The following EPB41L4A variants were observed in gnomAD, a reference collection of about 807,000 sequenced individuals.
EPB41L4A encodes the protein band 4.1-like protein 4A.
Under a neutral mutation model 108.6 loss-of-function variants are expected in EPB41L4A, and 100 were observed. The ratio of observed to expected loss-of-function variants is 0.92; its 90% CI spans 0.78 to 1.09. The LOEUF (loss-of-function observed/expected upper bound fraction) is 1.09. EPB41L4A is among the 50% of genes least tolerant of loss of function. The probability of loss-of-function intolerance (pLI) is 0.00; values close to 1 mark genes in which losing one functional copy is unlikely to be tolerated. For missense variants in EPB41L4A, 1,030 were observed against 842.7 expected, an observed-to-expected ratio of 1.22 and a Z score of -2.75; for synonymous variants, 319 against 289.0, an observed-to-expected ratio of 1.10 and a Z score of -1.05.
At chr5:112,313,683 T>C (rs895367920) in intron 1 of EPB41L4A, among the ~76,000 whole-genome samples, 4 of 151,870 alleles carry the variant, frequency 2.6e-5, no homozygotes, top group African/African-American at 9.7e-5. Flanking sequence ...CAGGCAGAAA[T>C]TAGTCATTAC....
chr5:112,410,839 T>C (rs1160147825), intron 1 of EPB41L4A, among the ~76,000 whole-genome samples: 2 of 152,204 alleles, frequency 1.3e-5, no homozygotes, highest in African/African-American at 2.4e-5. Flanking sequence ...TCTCTATTAC[T>C]ATCCTACATA....
At chr5:112,345,038 T>C (rs1324654979) in intron 1 of EPB41L4A, among the ~76,000 whole-genome samples, 1 of 152,238 alleles carries the variant, frequency 6.6e-6, no homozygotes, top group Non-Finnish European at 1.5e-5. Context: ...TGCCAAAATT[T>C]ACAATTCCTG....
At chr5:112,215,145 T>C (rs952549421) in intron 12 of EPB41L4A, among the ~76,000 whole-genome samples, 1 of 152,210 alleles carries the variant, frequency 6.6e-6, no homozygotes, top group African/African-American at 2.4e-5. Flanking sequence ...ATGATCTTTA[T>C]TTAATAAGTG....
intron 1 of EPB41L4A, among the ~76,000 whole-genome samples, chr5:112,413,387 T>C (rs1561656753): frequency 6.6e-6 from 1 of 152,216 alleles, no homozygotes; most frequent in Non-Finnish European, 1.5e-5. Flanking sequence ...GGGTCTTTTC[T>C]AGTAAAAATA....
chr5:112,147,110 G>A (rs1274187156), intron 12 of EPB41L4A, among the ~76,000 whole-genome samples: 3 of 152,080 alleles, frequency 2.0e-5, no homozygotes, highest in Non-Finnish European at 2.9e-5. Flanking sequence ...TGCTTGGCTT[G>A]TACTGCCACC....
At chr5:112,282,375 G>A (rs1318471984) in intron 2 of EPB41L4A, among the ~76,000 whole-genome samples, 1 of 152,196 alleles carries the variant, frequency 6.6e-6, no homozygotes, top group Non-Finnish European at 1.5e-5. Context: ...ATTTTCCAAT[G>A]AAGAGAAAAC....
chr5:112,258,962 C>T (rs1226662275), intron 9 of EPB41L4A, among the ~76,000 whole-genome samples: 1 of 152,172 alleles, frequency 6.6e-6, no homozygotes, highest in Non-Finnish European at 1.5e-5. Flanking sequence ...ATTGCACTAA[C>T]AACAATGATC....
intron 1 of EPB41L4A, among the ~76,000 whole-genome samples, chr5:112,414,699 A>C (rs1762605500): frequency 6.6e-6 from 1 of 152,190 alleles, no homozygotes; most frequent in South Asian, 2.1e-4. Context: ...TCCCCCTTAA[A>C]CAGTTATTAA....
intron 15 of EPB41L4A, among the ~76,000 whole-genome samples, chr5:112,198,870 A>G (rs1561468440): frequency 6.6e-6 from 1 of 151,990 alleles, no homozygotes; most frequent in Non-Finnish European, 1.5e-5. Flanking sequence ...TTTTTTAGAA[A>G]TTTTTATTTC....
At chr5:112,386,962 G>A (rs1760585543) in intron 1 of EPB41L4A, among the ~76,000 whole-genome samples, 1 of 152,150 alleles carries the variant, frequency 6.6e-6, no homozygotes, top group South Asian at 2.1e-4. Context: ...CCTATCTGTG[G>A]GTCCCTGCTT....
intron 1 of EPB41L4A, among the ~76,000 whole-genome samples, chr5:112,414,067 C>T (rs1268921632): frequency 6.6e-6 from 1 of 152,166 alleles, no homozygotes; most frequent in East Asian, 1.9e-4. Flanking sequence ...AACTCAGAAA[C>T]GACTCGGCTA....
At position 112,165,608 on chromosome 5, in the gene EPB41L4A, C is replaced by T. The variant is rs372403383; in HGVS notation, c.1933-490G>A. Among the ~76,000 whole-genome samples, 49 of 152,302 alleles carry T rather than the reference C, an allele frequency of 3.2e-4. No homozygotes were observed. The South Asian group carries it at 9.7e-3, about 30-fold the overall frequency. ...GCACCACATCCACTAGTTTGTAAAA[C>T]TTAGGTTTTACACATCTCCCATCAT... On this transcript the variant is annotated intron_variant, in intron 22 of 22. Coordinates refer to ENST00000261486, the MANE Select transcript of EPB41L4A (RefSeq NM_022140.5).
intron 2 of EPB41L4A, among the ~76,000 whole-genome samples, chr5:112,292,074 C>A (rs1753678365): frequency 6.6e-6 from 1 of 152,192 alleles, no homozygotes; most frequent in Non-Finnish European, 1.5e-5. Flanking sequence ...ATTTTCAAAG[C>A]ATTCAGTACC....
Position 112,204,421 on chromosome 5 carries a change from G to T in EPB41L4A, c.1330C>A (p.Pro444Thr). The change falls in exon 15 of 23, where the codon CCC becomes ACC. Residue 444 changes from proline to threonine, a missense_variant. Coordinates refer to ENST00000261486, the MANE Select transcript of EPB41L4A (RefSeq NM_022140.5). Reference protein sequence around the residue: ...PKFPYTRRRNPSCGSDNDSVQ... With the variant: ...PKFPYTRRRNTSCGSDNDSVQ... Reference sequence around the variant, plus strand: ...GAATCATTGTCACTTCCACAGGAGGGGTTTCGGCGACGCGTGTAAGGGAAC... The same window carrying T: ...GAATCATTGTCACTTCCACAGGAGGTGTTTCGGCGACGCGTGTAAGGGAAC... 6.2e-7 allele frequency: 1 copy of T among 1,613,968 alleles called. No homozygotes were observed. The highest frequency in any genetic ancestry group is 1.1e-5 in the South Asian group (1 of 91,068).
chr5:112,141,931 C>A (rs957137756), downstream of EPB41L4A, among the ~76,000 whole-genome samples: 9 of 152,184 alleles, frequency 5.9e-5, no homozygotes, highest in Non-Finnish European at 1.3e-4. Flanking sequence ...CCTCCCCCAA[C>A]AACACCGTGA....
At chr5:112,262,675 AAAT>A in intron 6 of EPB41L4A, 94 bp from the exon 7 acceptor site, 1 of 1,063,100 alleles carries the variant, frequency 9.4e-7, no homozygotes, top group Non-Finnish European at 1.4e-6. Context: ...ATGGGAAAAC[AAAT>A]AATACTTTTT....
At chr5:112,246,218 C>T (rs562863243) in intron 9 of EPB41L4A, among the ~76,000 whole-genome samples, 3 of 152,058 alleles carry the variant, frequency 2.0e-5, no homozygotes, top group Middle Eastern at 3.4e-3. Context: ...TCCAGTCATG[C>T]GTTGTATAAG....
chr5:112,158,368 C>T (rs1358778288), downstream of EPB41L4A: 2 of 333,644 alleles, frequency 6.0e-6, no homozygotes, highest in Non-Finnish European at 1.2e-5. Context: ...ATTCTTTAAA[C>T]TAACCCATAT....
chr5:112,419,716 C>G (rs1038636470), upstream of EPB41L4A: 3 of 456,628 alleles, frequency 6.6e-6, no homozygotes, highest in South Asian at 1.5e-5. Context: ...CCGCAAGCGC[C>G]GAGGAGCCGG....
Sources: gnomAD v4.1 joint callset for allele counts (sites outside exome capture counted in the v4.1 genomes callset) on GRCh38, gnomAD v4.1.1 for gene constraint, MANE v1.5 for transcripts, NCBI Gene and HGNC (gene_info 2026-07-23, HGNC 2026-07-21) for gene names.